The following UNC5D variants were observed in gnomAD, a reference collection of about 807,000 sequenced individuals.
The protein encoded by UNC5D is unc-5 netrin receptor D, also known as netrin receptor UNC5D.
Under a neutral mutation model 105.4 loss-of-function variants are expected in UNC5D, and 39 were observed. The ratio of observed to expected loss-of-function variants is 0.37; its 90% CI spans 0.29 to 0.48. UNC5D has a LOEUF of 0.48. UNC5D is among the 20% of genes least tolerant of loss of function. The probability of loss-of-function intolerance (pLI) is 0.98; values close to 1 mark genes in which losing one functional copy is unlikely to be tolerated. For synonymous variants in UNC5D, 452 were observed against 450.4 expected, an observed-to-expected ratio of 1.00 and a Z score of -0.04; for missense variants, 991 against 1,202.4, an observed-to-expected ratio of 0.82 and a Z score of 2.60.
chr8:35,599,745 A>G (rs1376819411), intron 4 of UNC5D, among the ~76,000 whole-genome samples: 1 of 152,188 alleles, frequency 6.6e-6, no homozygotes, highest in Admixed American at 6.5e-5. Context: ...ATATGCAAAT[A>G]TAAATTTATT....
chr8:35,723,552 C>T (rs1237811041), intron 9 of UNC5D, among the ~76,000 whole-genome samples: 4 of 151,884 alleles, frequency 2.6e-5, no homozygotes, highest in Admixed American at 6.6e-5. Context: ...CATGCCACCA[C>T]ACCAAGCTAA....
chr8:35,550,575 G>T (rs1393960235), intron 2 of UNC5D, among the ~76,000 whole-genome samples: 1 of 152,120 alleles, frequency 6.6e-6, no homozygotes, highest in Non-Finnish European at 1.5e-5. Flanking sequence ...TAACAAGGTA[G>T]GCCTTTCAGA....
At chr8:35,260,547 T>G (rs987960706) in intron 1 of UNC5D, among the ~76,000 whole-genome samples, 1 of 152,180 alleles carries the variant, frequency 6.6e-6, no homozygotes, top group Non-Finnish European at 1.5e-5. Context: ...CTGTGCTCAT[T>G]GAAACCTCTG....
intron 8 of UNC5D, 129 bp from the exon 9 acceptor site, chr8:35,722,081 C>A: frequency 9.9e-7 from 1 of 1,011,416 alleles, no homozygotes; most frequent in Non-Finnish European, 1.4e-6. Context: ...AACTTGTGTT[C>A]ACTGTACATC....
intron 1 of UNC5D, among the ~76,000 whole-genome samples, chr8:35,534,931 G>T (rs1221971441): frequency 4.0e-5 from 6 of 151,840 alleles, no homozygotes; most frequent in South Asian, 4.2e-4. Context: ...CCACATATTT[G>T]CTCTAGATGT....
intron 1 of UNC5D, among the ~76,000 whole-genome samples, chr8:35,489,305 G>C (rs944088939): frequency 1.3e-5 from 2 of 152,038 alleles, no homozygotes; most frequent in African/African-American, 4.8e-5. Flanking sequence ...ACTGTGCCTG[G>C]CCACCCAGAA....
At chr8:35,783,002 G>T (rs1036931686) in intron 16 of UNC5D, among the ~76,000 whole-genome samples, 1 of 151,902 alleles carries the variant, frequency 6.6e-6, no homozygotes, top group African/African-American at 2.4e-5. Context: ...AATTAGCCGG[G>T]CATGGTGATG....
chr8:35,651,432 G>A (rs1299107336), intron 4 of UNC5D, among the ~76,000 whole-genome samples: 1 of 152,230 alleles, frequency 6.6e-6, no homozygotes, highest in Non-Finnish European at 1.5e-5. Context: ...AGCAAAGTGA[G>A]AGAGGCCGAG....
intron 4 of UNC5D, among the ~76,000 whole-genome samples, chr8:35,667,561 G>T (rs1312477550): frequency 3.3e-5 from 5 of 152,180 alleles, no homozygotes; most frequent in Non-Finnish European, 7.4e-5. Context: ...AAAACAGAGA[G>T]CCAGAAATAT....
At chr8:35,255,141 G>A (rs1161908560) in intron 1 of UNC5D, 3 of 152,118 alleles carry the variant, frequency 2.0e-5, no homozygotes, top group African/African-American at 7.2e-5. Flanking sequence ...TTTGGAAGAG[G>A]AACATCCAGT....
In UNC5D at chr8:35,750,613, C is replaced by A. The variant is rs1444809310; in HGVS notation, c.1967C>A (p.Ser656Tyr). 5.6e-6 allele frequency: 9 copies of A among 1,614,034 alleles called. No individual in the cohort carries two copies. Among genetic ancestry groups the A allele is most frequent in the African/African-American group, 1.3e-5 (1 of 74,926 alleles). ...ATGTCAGTGGAAGATGAATCTACATCCTGTTACTGCCTTTTGGACCCCTTT... is the reference window on the plus strand; with the variant it reads ...ATGTCAGTGGAAGATGAATCTACATACTGTTACTGCCTTTTGGACCCCTTT... ...EVMSVEDESTSCYCLLDPFAC... is the reference protein window; with the variant it reads ...EVMSVEDESTYCYCLLDPFAC... Residue 656 changes from serine to tyrosine, a missense_variant, in exon 13 of 17, where the codon TCC (serine) becomes TAC (tyrosine). Ser to Tyr is a moderately radical substitution (Grantham distance 144). Around this residue, in one of 3 missense-constraint regions of UNC5D, gnomAD observed 944 missense variants for 1,131.6 expected, o/e 0.83. Coordinates refer to ENST00000404895, the MANE Select transcript of UNC5D (RefSeq NM_080872.4).
intron 4 of UNC5D, among the ~76,000 whole-genome samples, chr8:35,656,153 G>T (rs1425766855): frequency 6.6e-6 from 1 of 152,092 alleles, no homozygotes; most frequent in African/African-American, 2.4e-5. Context: ...CGCTGATAGG[G>T]AAGTGCCAGG....
chr8:35,314,337 G>C (rs551338670), intron 1 of UNC5D, among the ~76,000 whole-genome samples: 41 of 152,214 alleles, frequency 2.7e-4, no homozygotes, highest in African/African-American at 9.6e-4. Context: ...AAAAAACACT[G>C]TATTCTCAAG....
chr8:35,528,269 T>C lies in UNC5D; in HGVS notation c.104-21023T>C, dbSNP rs578111960. On this transcript the variant is annotated intron_variant, in intron 1 of 16. Transcript: ENST00000404895. ...TGTCCATGTGATCTCATTGTTCAAT[T>C]CTCACCTATGAGTGAGAATATGCAG... Among the ~76,000 whole-genome samples the C allele has an allele frequency of 1.2e-3, 175 of 151,682 alleles. 1 individual carries two copies. Among genetic ancestry groups the C allele is most frequent in the African/African-American group, 4.1e-3 (170 of 41,330 alleles).
intron 1 of UNC5D, among the ~76,000 whole-genome samples, chr8:35,319,847 T>A (rs1395385644): frequency 2.6e-5 from 4 of 151,908 alleles, no homozygotes; most frequent in Non-Finnish European, 4.4e-5. Context: ...GTGAGCCCCT[T>A]TAAATTATTA....
intron 15 of UNC5D, among the ~76,000 whole-genome samples, chr8:35,768,342 AG>A (rs1801863265): frequency 6.6e-6 from 1 of 152,144 alleles, no homozygotes; most frequent in Non-Finnish European, 1.5e-5. Context: ...GTTTTGACGG[AG>A]AAGGTAGATC....
At chr8:35,272,591 G>A (rs1040371140) in intron 1 of UNC5D, among the ~76,000 whole-genome samples, 1 of 152,166 alleles carries the variant, frequency 6.6e-6, no homozygotes, top group African/African-American at 2.4e-5. Flanking sequence ...TGCCCCTGGG[G>A]AGAGGGTGAC....
In UNC5D at chr8:35,790,389, C is replaced by T. The variant is rs1449422006; in HGVS notation, c.2688C>T (p.Ser896=). The stretch of plus-strand genomic sequence containing the variant: ...TATCTTATTTCGCTACACAAAGTAG[C>T]CCATCTGCTGTCATTTTGAACCTGT... ...RNLSYFATQS[S]PSAVILNLWE... is the part of the protein sequence containing the mutation. The change falls in exon 17 of 17, where the codon AGC becomes AGT. Residue 896 remains serine, a synonymous_variant. Transcript: ENST00000404895. The T allele has an allele frequency of 7.4e-6, 12 of 1,613,724 alleles. No homozygotes were observed. Among genetic ancestry groups the T allele is most frequent in the Non-Finnish European group, 8.5e-6 (10 of 1,179,852 alleles).
At chr8:35,705,598 T>C (rs1196439867) in intron 7 of UNC5D, among the ~76,000 whole-genome samples, 1 of 152,148 alleles carries the variant, frequency 6.6e-6, no homozygotes, top group African/African-American at 2.4e-5. Context: ...GGCTTCTGGT[T>C]GTATATAATA....
Sources: allele counts gnomAD v4.1 joint callset (sites outside exome capture counted in the v4.1 genomes callset), GRCh38; gene constraint gnomAD v4.1.1; regional missense constraint gnomAD v4.1.1; transcripts MANE v1.5; gene names NCBI Gene and HGNC (gene_info 2026-07-23, HGNC 2026-07-21).